Variants in PCCA observed in about 807,000 individuals in gnomAD.
The protein encoded by PCCA is propionyl-CoA carboxylase alpha chain, mitochondrial.
PCCA carries 74 observed loss-of-function variants against 101.3 expected under a neutral mutation model. The observed-to-expected ratio is 0.73, with a 90% CI of 0.61 to 0.89. The LOEUF is 0.89. Ranked by LOEUF, PCCA falls within the 40% of genes least tolerant of loss-of-function variation. The pLI is 0.00. For synonymous variants in PCCA, 294 were observed against 313.6 expected, an observed-to-expected ratio of 0.94 and a Z score of 0.66; for missense variants, 891 against 907.0, an observed-to-expected ratio of 0.98 and a Z score of 0.23.
At position 100,472,703 on chromosome 13, in the gene PCCA, C is replaced by T. The variant is rs1350324673; in HGVS notation, c.1899+23398C>T. Reference sequence around the variant, plus strand: ...TGGTCTCTATTTGCCTGGTATCTGGCCCTGGGATGTTTTAAGGCAGGGAAA... The same window carrying T: ...TGGTCTCTATTTGCCTGGTATCTGGTCCTGGGATGTTTTAAGGCAGGGAAA... On this transcript the variant is annotated intron_variant, in intron 21 of 23. Coordinates refer to ENST00000376285, the MANE Select transcript of PCCA (RefSeq NM_000282.4). Among the ~76,000 whole-genome samples the T allele has an allele frequency of 2.6e-5, 4 of 151,902 alleles. No homozygotes were observed. In the East Asian group the frequency reaches 7.7e-4, roughly 29 times the overall value.
intron 7 of PCCA, among the ~76,000 whole-genome samples, chr13:100,224,187 C>T (rs938610935): frequency 2.6e-5 from 4 of 152,222 alleles, no homozygotes; most frequent in South Asian, 4.1e-4. Flanking sequence ...GGTCCCGAGC[C>T]CTGCCCGGCG....
At chr13:100,097,480 G>A (rs1477434347) in intron 1 of PCCA, among the ~76,000 whole-genome samples, 1 of 152,168 alleles carries the variant, frequency 6.6e-6, no homozygotes, top group African/African-American at 2.4e-5. Flanking sequence ...AGCACTTTGG[G>A]AGGCCGAGGC....
In PCCA at chr13:100,363,970, T is replaced by A. The variant is rs556564519; in HGVS notation, c.1644-4502T>A. Among the ~76,000 whole-genome samples the A allele has an allele frequency of 9.1e-4, 138 of 152,306 alleles. 1 individual carries two copies. The highest frequency in any genetic ancestry group is 3.2e-3 in the African/African-American group (135 of 41,566). On this transcript the variant is annotated intron_variant, in intron 18 of 23. Coordinates refer to ENST00000376285, the MANE Select transcript of PCCA (RefSeq NM_000282.4). ...CACCATCAAATATAAAAAATTTAGT[T>A]ATGTCGAGCATATTCATCCTGGCTG... is the stretch of plus-strand genomic sequence containing the variant.
chr13:100,179,008 T>C (rs1308087232), intron 6 of PCCA, among the ~76,000 whole-genome samples: 1 of 147,048 alleles, frequency 6.8e-6, no homozygotes, highest in Non-Finnish European at 1.5e-5. Flanking sequence ...ACCCGGGAGG[T>C]GGAGCTTGCA....
chr13:100,142,801 C>G (rs1198361199), intron 4 of PCCA, among the ~76,000 whole-genome samples: 1 of 152,086 alleles, frequency 6.6e-6, no homozygotes, highest in African/African-American at 2.4e-5. Context: ...AGACTAGATT[C>G]TATGTGGTTG....
intron 21 of PCCA, among the ~76,000 whole-genome samples, chr13:100,469,250 TCTC>T (rs1220149336): frequency 8.8e-6 from 1 of 113,676 alleles, no homozygotes; most frequent in African/African-American, 3.2e-5. Context: ...TTCCAGAAAA[TCTC>T]CTGAAAAAGA....
intron 6 of PCCA, among the ~76,000 whole-genome samples, chr13:100,170,550 T>C (rs918673726): frequency 1.3e-5 from 2 of 152,216 alleles, no homozygotes; most frequent in Admixed American, 1.3e-4. Context: ...AAGCACAGAG[T>C]ATTCTTTTCT....
rs189203660 is a variant in PCCA, at chr13:100,265,519, G to A, written c.819+2688G>A. The stretch of plus-strand genomic sequence containing the variant: ...TTCTCTTTAGGTTCTTTGAATTTCC[G>A]TGAAAAGTTTAGACTTCACCTGTCA... On this transcript the variant is annotated intron_variant, in intron 10 of 23. Coordinates refer to ENST00000376285, the MANE Select transcript of PCCA (RefSeq NM_000282.4). 6.4e-4 allele frequency among the ~76,000 whole-genome samples: 98 copies of A among 151,940 alleles called. No homozygotes were observed. In the Middle Eastern group the frequency reaches 0.01, roughly 16 times the overall value.
At chr13:100,429,889 G>A (rs762334026) in intron 20 of PCCA, among the ~76,000 whole-genome samples, 17 of 151,950 alleles carry the variant, frequency 1.1e-4, no homozygotes, top group Admixed American at 3.3e-4. Flanking sequence ...TTACAGGTGT[G>A]AGCCATCACA....
chr13:100,409,151 C>T (rs1346425830), intron 19 of PCCA, among the ~76,000 whole-genome samples: 1 of 152,088 alleles, frequency 6.6e-6, no homozygotes, highest in Non-Finnish European at 1.5e-5. Context: ...AAGAAAAGGG[C>T]TATGGAAAGG....
intron 20 of PCCA, among the ~76,000 whole-genome samples, chr13:100,434,814 A>G (rs577845742): frequency 6.6e-6 from 1 of 152,342 alleles, no homozygotes; most frequent in African/African-American, 2.4e-5. Context: ...TGAATAAGTG[A>G]TTCTCATGAA....
intron 18 of PCCA, among the ~76,000 whole-genome samples, chr13:100,345,721 C>T (rs112604738): frequency 6.6e-6 from 1 of 152,256 alleles, no homozygotes; most frequent in African/African-American, 2.4e-5. Flanking sequence ...ACTTTCATAG[C>T]TAGAGGGGAA....
At chr13:100,125,295 T>C (rs745446343) in intron 4 of PCCA, among the ~76,000 whole-genome samples, 1 of 152,208 alleles carries the variant, frequency 6.6e-6, no homozygotes. Flanking sequence ...TTCCAGACAT[T>C]TAGGTTGCAA....
chr13:100,507,306 GGGGCACTT>G (rs1313314558), intron 21 of PCCA, among the ~76,000 whole-genome samples: 2 of 152,134 alleles, frequency 1.3e-5, no homozygotes. Flanking sequence ...AGACAGCTTG[GGGGCACTT>G]GGGCCAGGCA....
In PCCA at chr13:100,488,029, A is replaced by G. The variant is rs149678843; in HGVS notation, c.1900-27398A>G. On this transcript the variant is annotated intron_variant, in intron 21 of 23. Coordinates refer to ENST00000376285, the MANE Select transcript of PCCA (RefSeq NM_000282.4). ...ACAGGTATGGCCACTGTGCCCAGCC[A>G]TATATGTATATATATATATTTTTTA... Among the ~76,000 whole-genome samples, 376 of 151,758 alleles carry G rather than the reference A, an allele frequency of 2.5e-3. 3 individuals are homozygous for G. The highest frequency in any genetic ancestry group is 8.6e-3 in the African/African-American group (356 of 41,326).
chr13:100,491,565 C>A, intron 21 of PCCA: 2 of 717,210 alleles, frequency 2.8e-6, no homozygotes, highest in Non-Finnish European at 4.3e-6. Context: ...CTGCAAACAG[C>A]TGCAAAATGT....
intron 20 of PCCA, among the ~76,000 whole-genome samples, chr13:100,435,065 C>T (rs900951161): frequency 9.2e-5 from 14 of 152,122 alleles, no homozygotes; most frequent in African/African-American, 2.7e-4. Context: ...AAAAGTAGTG[C>T]GTTCATCTGT....
intron 19 of PCCA, among the ~76,000 whole-genome samples, chr13:100,419,394 C>T (rs1308054962): frequency 2.0e-5 from 3 of 151,738 alleles, no homozygotes; most frequent in African/African-American, 4.8e-5. Context: ...ATTGCGTGAA[C>T]CTGGGAGGCG....
intron 18 of PCCA, among the ~76,000 whole-genome samples, chr13:100,342,029 A>G (rs1294781565): frequency 6.7e-6 from 1 of 148,428 alleles, no homozygotes; most frequent in East Asian, 2.0e-4. Context: ...ACATACATGT[A>G]GCATTTATAC....
Sources: gnomAD v4.1 joint callset for allele counts (sites outside exome capture counted in the v4.1 genomes callset) on GRCh38, gnomAD v4.1.1 for gene constraint, MANE v1.5 for transcripts, NCBI Gene and HGNC (gene_info 2026-07-23, HGNC 2026-07-21) for gene names.